Variants in IGSF9 observed in about 807,000 individuals in gnomAD.
IGSF9 encodes the protein immunoglobulin superfamily member 9, also known as protein turtle homolog A.
IGSF9 carries 87 observed loss-of-function variants against 121.7 expected under a neutral mutation model. The observed-to-expected ratio is 0.71, with a 90% confidence interval of 0.60 to 0.85. The LOEUF (loss-of-function observed/expected upper bound fraction) is 0.85, where lower values mean the gene tolerates loss of function less well. IGSF9 is among the 40% of genes least tolerant of loss of function. IGSF9 has a pLI of 0.00. For missense variants in IGSF9, 1,462 were observed against 1,565.3 expected (o/e 0.93, Z 1.11); for synonymous variants, 640 against 648.4 (o/e 0.99, Z 0.20).
rs1651017756 is a variant in IGSF9, at chr1:159,931,978, TG to T, written c.1246-51del. The T allele has an allele frequency of 1.7e-6, 2 of 1,173,950 alleles. No homozygotes were observed. The highest frequency in any genetic ancestry group is 1.2e-6 in the Non-Finnish European group (1 of 810,196). The allele number at this position is 1,173,950 out of a possible 1,614,324, so 72.7% of individuals were successfully genotyped here. A position where few individuals can be genotyped will look rare whatever the true frequency, so the allele number is the denominator to read the frequency against. On this transcript the variant is annotated intron_variant, in intron 10 of 20. Coordinates refer to ENST00000368094, the MANE Select transcript of IGSF9 (RefSeq NM_001135050.2). The surrounding 1 kb of genome is among the most constrained non-coding windows in gnomAD (Gnocchi z 4.8). ...AGGGGCCCTCTCTTACATCTAAGGC[TG>T]GCTACTCCCTCTCTCTGTGCTCCCT...
In IGSF9 at chr1:159,927,479, T is replaced by C. The variant is rs1557928884; in HGVS notation, c.3406A>G (p.Thr1136Ala). 2 of 1,614,112 alleles carry C rather than the reference T, an allele frequency of 1.2e-6. No individual in the cohort carries two copies. Among genetic ancestry groups the C allele is most frequent in the Non-Finnish European group, 1.7e-6 (2 of 1,180,030 alleles). ...GCAGCACAGCGGGCCTCAGGGCCAGTAACATGGGCAGTGTTCAGGAGGCAG... is the reference window on the plus strand; with the variant it reads ...GCAGCACAGCGGGCCTCAGGGCCAGCAACATGGGCAGTGTTCAGGAGGCAG... ...EGCLLNTAHV[T>A]GPEARCAALR... Residue 1136 changes from threonine (T) to alanine (A), a missense_variant, in exon 21 of 21, where the codon ACT (threonine) becomes GCT (alanine). Coordinates refer to ENST00000368094, the MANE Select transcript of IGSF9 (RefSeq NM_001135050.2).
chr1:159,931,169 G>A lies in IGSF9; in HGVS notation c.1606C>T (p.Leu536=), dbSNP rs751632347. The A allele has an allele frequency of 5.0e-6, 8 of 1,614,010 alleles. No individual in the cohort carries two copies. The African/African-American group carries it at 9.3e-5, about 19-fold the overall frequency. The change falls in exon 13 of 21, where the codon CTG becomes TTG. Residue 536 remains leucine (L), a synonymous_variant. Transcript: ENST00000368094. The surrounding 1 kb of genome is among the most constrained non-coding windows in gnomAD (Gnocchi z 4.8). ...GTGTACCAGACACTGAATCTCTGCA[G>A]ATAACCACCATCAAAGCCAGGCTCC... ...SWEPGFDGGY[L]QRFSVWYTPL... is the part of the protein sequence containing the mutation.
Position 159,932,420 on chromosome 1 carries a change from G to GGGGCCCCCCCC in IGSF9, c.1245+91_1245+92insGGGGGGGGCCC. 1 of 1,021,816 alleles carries GGGGCCCCCCCC rather than the reference G, an allele frequency of 9.8e-7. No homozygotes were observed. The highest frequency in any genetic ancestry group is 2.7e-5 in the East Asian group (1 of 36,492). 63.3% of individuals were successfully genotyped at this position (1,021,816 alleles called of 1,614,324 possible). A position where few individuals can be genotyped will look rare whatever the true frequency, so the allele number is the denominator to read the frequency against. Reference sequence around the variant, plus strand: ...CTTGGAAACCCCTCCCCATGTGTCTGCCCCACCCCACCCCCATCAGCCTGG... The same window carrying GGGGCCCCCCCC: ...CTTGGAAACCCCTCCCCATGTGTCTGGGGCCCCCCCCCCCCACCCCACCCCCATCAGCCTGG... On this transcript the variant is annotated intron_variant, in intron 10 of 20. Transcript: ENST00000368094. The surrounding 1 kb of genome is among the most constrained non-coding windows in gnomAD (Gnocchi z 4.1).
intron 17 of IGSF9, 81 bp from the exon 18 acceptor site, chr1:159,929,474 C>T: frequency 1.3e-6 from 2 of 1,545,762 alleles, no homozygotes; most frequent in South Asian, 1.2e-5. Flanking sequence ...CAACACCAGG[C>T]GCCCAACCCC....
chr1:159,939,525 G>A (rs1264316794), intron 3 of IGSF9, among the ~76,000 whole-genome samples: 1 of 152,168 alleles, frequency 6.6e-6, no homozygotes, highest in Non-Finnish European at 1.5e-5. Context: ...GTGCCTGGCT[G>A]CATTTTCTTA....
Position 159,932,882 on chromosome 1 carries a change from C to T in IGSF9, c.1105-230G>A. On this transcript the variant is annotated intron_variant, in intron 9 of 20. Coordinates refer to ENST00000368094, the MANE Select transcript of IGSF9 (RefSeq NM_001135050.2). The surrounding 1 kb of genome is among the most constrained non-coding windows in gnomAD (Gnocchi z 4.1). ...GACTGCACAACTCCAGGGGGTGCCA[C>T]TCACAGAAAATACACTGTGAATGGC... 1 of 484,408 alleles carries T rather than the reference C, an allele frequency of 2.1e-6. No individual in the cohort carries two copies. The highest frequency in any genetic ancestry group is 2.0e-5 in the African/African-American group (1 of 49,960). The allele number at this position is 484,408 out of a possible 1,614,324, so 30.0% of individuals were successfully genotyped here.
Position 159,927,884 on chromosome 1 carries a change from CCT to C in IGSF9, c.3232_3233del (p.Arg1078GlufsTer9), listed in dbSNP as rs748606173. On this transcript the variant is annotated frameshift_variant and splice_region_variant, in exon 20 of 21. Transcript: ENST00000368094. LOFTEE classifies it high-confidence loss of function. ...REHVVTVSKR[R>X]NTSVDENYEW... is the part of the protein sequence containing the mutation. ...CATAGTTCTCGTCCACAGATGTGTT[CCT>C]CCTGTAAAAAAAAAAAAAAAGACAA... 2.0e-6 allele frequency: 3 copies of C among 1,515,650 alleles called. No individual in the cohort carries two copies. In the African/African-American group the frequency reaches 6.2e-5, roughly 31 times the overall value. 93.9% of individuals were successfully genotyped at this position (1,515,650 alleles called of 1,614,324 possible).
chr1:159,931,058 G>T lies in IGSF9; in HGVS notation c.1637+80C>A. 1 of 1,592,652 alleles carries T rather than the reference G, an allele frequency of 6.3e-7. No homozygotes were observed. Among genetic ancestry groups the T allele is most frequent in the South Asian group, 1.1e-5 (1 of 88,972 alleles). Reference sequence around the variant, plus strand: ...GAGGGATAGAGGGACAGAAGAAAGGGCAGAAGGCCAGATAGGTTCAAGGAG... The same window carrying T: ...GAGGGATAGAGGGACAGAAGAAAGGTCAGAAGGCCAGATAGGTTCAAGGAG... On this transcript the variant is annotated intron_variant, in intron 13 of 20. Transcript: ENST00000368094. This position sits in a 1 kb window ranked among gnomAD's most constrained non-coding sequence, Gnocchi z 4.8.
At chr1:159,939,693 CTA>C (rs1347222450) in intron 3 of IGSF9, among the ~76,000 whole-genome samples, 1 of 152,152 alleles carries the variant, frequency 6.6e-6, no homozygotes, top group Non-Finnish European at 1.5e-5. Flanking sequence ...ATAAGAAAAT[CTA>C]TTTCAGAAAG....
At position 159,943,364 on chromosome 1, in the gene IGSF9, CAG is replaced by C. The variant is rs1405395139; in HGVS notation, c.58+31_58+32del. On this transcript the variant is annotated intron_variant, in intron 2 of 20. Transcript: ENST00000368094. ...ACCCCCATACCCACCCCAAGGCTAA[CAG>C]GGCATTCTTGAGCCCAAGAGCTCAG... The C allele has an allele frequency of 3.3e-6, 5 of 1,532,428 alleles. No individual in the cohort carries two copies. The East Asian group carries it at 7.1e-5, about 22-fold the overall frequency. 94.9% of individuals were successfully genotyped at this position (1,532,428 alleles called of 1,614,324 possible).
At position 159,930,813 on chromosome 1, in the gene IGSF9, C is replaced by T; in HGVS notation, c.1692G>A (p.Val564=). 3.1e-6 allele frequency: 5 copies of T among 1,613,796 alleles called. No individual in the cohort carries two copies. The highest frequency in any genetic ancestry group is 4.2e-6 in the Non-Finnish European group (5 of 1,179,816). Reference sequence around the variant, plus strand: ...CTGGCACTAGGAGGTGAGCAGCCCCCACAGGCACTGCCAAGGACACCCAGT... The same window carrying T: ...CTGGCACTAGGAGGTGAGCAGCCCCTACAGGCACTGCCAAGGACACCCAGT... The part of the protein sequence containing the change: ...HHDWVSLAVP[V]GAAHLLVPGL... The change falls in exon 14 of 21, where the codon GTG becomes GTA. Residue 564 remains valine, a synonymous_variant. Transcript: ENST00000368094.
In IGSF9 at chr1:159,941,765, C is replaced by T. The variant is rs1162357758; in HGVS notation, c.247+1198G>A. Among the ~76,000 whole-genome samples, 8 of 152,190 alleles carry T rather than the reference C, an allele frequency of 5.3e-5. No individual in the cohort carries two copies. The South Asian group carries it at 8.3e-4, about 16-fold the overall frequency. On this transcript the variant is annotated intron_variant, in intron 3 of 20. Transcript: ENST00000368094. ...GAGACCCCTCCCAGGCCTGGGCAGGCGGAGGCAGGGAGGGAGGGCTGGTGG... is the reference window on the plus strand; with the variant it reads ...GAGACCCCTCCCAGGCCTGGGCAGGTGGAGGCAGGGAGGGAGGGCTGGTGG...
intron 3 of IGSF9, among the ~76,000 whole-genome samples, chr1:159,940,184 G>T (rs1000658078): frequency 6.6e-6 from 1 of 152,196 alleles, no homozygotes; most frequent in Non-Finnish European, 1.5e-5. Context: ...CTCCAGACGC[G>T]GCGTGCTTTC....
rs940630193 is a variant in IGSF9 at position 159,928,346 on chromosome 1, A to T, written c.3042T>A (p.Pro1014=). ...LRERLLPGLL[P]AAPRGSLTSQ... is the part of the protein sequence containing the mutation. ...TGGTGAGGCTGCCTCGAGGGGCAGC[A>T]GGGAGAAGGCCTGGCAGCAGCCGCT... Residue 1014 remains proline (P), a synonymous_variant, in exon 19 of 21, where the codon CCT becomes CCA. Coordinates refer to ENST00000368094, the MANE Select transcript of IGSF9 (RefSeq NM_001135050.2). 3.7e-6 allele frequency: 6 copies of T among 1,609,620 alleles called. No individual in the cohort carries two copies. The highest frequency in any genetic ancestry group is 5.1e-6 in the Non-Finnish European group (6 of 1,178,164).
At chr1:159,927,992 T>C (rs1650806077) in intron 19 of IGSF9, 105 bp from the exon 20 acceptor site, 3 of 1,498,358 alleles carry the variant, frequency 2.0e-6, no homozygotes, top group Non-Finnish European at 2.7e-6. Context: ...AGGTCATGGG[T>C]TTCCCCTGAA....
chr1:159,936,540 G>T (rs369356415), intron 5 of IGSF9, 24 bp from the exon 6 acceptor site: 2 of 1,607,082 alleles, frequency 1.2e-6, no homozygotes, highest in African/African-American at 2.7e-5. Flanking sequence ...GGGTGAGGAA[G>T]AGTCCTTTCC....
Position 159,937,979 on chromosome 1 carries a change from G to A in IGSF9, c.248-141C>T. On this transcript the variant is annotated intron_variant, in intron 3 of 20. Transcript: ENST00000368094. ...TGAGTGTGGGGTCCAGAGAGACGCAGATGAGGTTGGGGTCATTCAGGACAG... is the reference window on the plus strand; with the variant it reads ...TGAGTGTGGGGTCCAGAGAGACGCAAATGAGGTTGGGGTCATTCAGGACAG... 9 of 910,038 alleles carry A rather than the reference G, an allele frequency of 9.9e-6. No homozygotes were observed. The South Asian group carries it at 1.0e-4, about 10-fold the overall frequency. 56.4% of individuals were successfully genotyped at this position (910,038 alleles called of 1,614,324 possible).
At chr1:159,938,854 A>G (rs1222842107) in intron 3 of IGSF9, among the ~76,000 whole-genome samples, 1 of 152,142 alleles carries the variant, frequency 6.6e-6, no homozygotes, top group African/African-American at 2.4e-5. Flanking sequence ...GTGGATGCTC[A>G]AATAAAAGTT....
intron 6 of IGSF9, 139 bp from the exon 7 acceptor site, chr1:159,934,961 A>T: frequency 1.1e-6 from 1 of 899,484 alleles, no homozygotes; most frequent in Non-Finnish European, 1.7e-6. Context: ...GAGTGGAAGC[A>T]GAAGCTTCCC....
Sources: allele counts gnomAD v4.1 joint callset (sites outside exome capture counted in the v4.1 genomes callset), GRCh38; gene constraint gnomAD v4.1.1; non-coding constraint Gnocchi (gnomAD v3.1); transcripts MANE v1.5; gene names NCBI Gene and HGNC (gene_info 2026-07-23, HGNC 2026-07-21).